Variants in ZNF385B observed in about 807,000 individuals in gnomAD.
The protein encoded by ZNF385B is zinc finger protein 533.
A neutral mutation model predicts 39.2 loss-of-function variants in ZNF385B; 23 were observed. That is an observed-to-expected ratio of 0.59 (90% CI 0.42 to 0.83). The LOEUF is 0.83. Ranked by LOEUF, ZNF385B falls within the 40% of genes least tolerant of loss-of-function variation. ZNF385B has a pLI of 0.00. For missense variants in ZNF385B, 552 were observed against 598.9 expected, an observed-to-expected ratio of 0.92 and a Z score of 0.82; for synonymous variants, 205 against 222.6, an observed-to-expected ratio of 0.92 and a Z score of 0.70.
At chr2:179,707,011 G>A (rs1699651251) in intron 3 of ZNF385B, among the ~76,000 whole-genome samples, 1 of 152,136 alleles carries the variant, frequency 6.6e-6, no homozygotes, top group Non-Finnish European at 1.5e-5. Context: ...CCCATGATGT[G>A]CTATCAGTGG....
intron 1 of ZNF385B, among the ~76,000 whole-genome samples, chr2:179,828,976 G>C (rs1249093481): frequency 1.3e-5 from 2 of 151,828 alleles, no homozygotes; most frequent in Non-Finnish European, 2.9e-5. Context: ...AAGGAAGCCA[G>C]GTTCATTTTA....
intron 6 of ZNF385B, among the ~76,000 whole-genome samples, chr2:179,467,662 G>C (rs752224607): frequency 4.6e-5 from 7 of 152,014 alleles, no homozygotes; most frequent in East Asian, 1.9e-4. Context: ...CTTCAAGCAT[G>C]GTTCATGACT....
intron 4 of ZNF385B, among the ~76,000 whole-genome samples, chr2:179,529,675 T>C (rs1467556451): frequency 2.0e-5 from 3 of 152,360 alleles, no homozygotes; most frequent in East Asian, 3.9e-4. Context: ...ACTAAAATGA[T>C]GATAAGTGCT....
chr2:179,685,819 C>T (rs183479169), intron 3 of ZNF385B, among the ~76,000 whole-genome samples: 202 of 152,306 alleles, frequency 1.3e-3, no homozygotes, highest in African/African-American at 4.5e-3. Flanking sequence ...CCATATTTAG[C>T]AAAGATAGGT....
At chr2:179,492,759 T>G (rs1427196707) in intron 5 of ZNF385B, among the ~76,000 whole-genome samples, 1 of 152,116 alleles carries the variant, frequency 6.6e-6, no homozygotes, top group Non-Finnish European at 1.5e-5. Flanking sequence ...CTAGAAGATA[T>G]CTTATAATTC....
intron 3 of ZNF385B, among the ~76,000 whole-genome samples, chr2:179,568,470 C>T (rs1574840167): frequency 1.3e-5 from 2 of 152,186 alleles, no homozygotes. Flanking sequence ...AATGAATGAC[C>T]ATACTTTTCC....
intron 3 of ZNF385B, among the ~76,000 whole-genome samples, chr2:179,606,004 G>A (rs1202412260): frequency 1.3e-5 from 2 of 152,140 alleles, no homozygotes; most frequent in Non-Finnish European, 2.9e-5. Context: ...ATGTTTGGAA[G>A]ATAAGGATCC....
At chr2:179,701,576 T>G (rs1265152005) in intron 3 of ZNF385B, among the ~76,000 whole-genome samples, 1 of 152,256 alleles carries the variant, frequency 6.6e-6, no homozygotes, top group Non-Finnish European at 1.5e-5. Flanking sequence ...GATCACACTC[T>G]TAAGCATCAG....
intron 1 of ZNF385B, among the ~76,000 whole-genome samples, chr2:179,792,877 G>A (rs1292164118): frequency 2.0e-5 from 3 of 152,172 alleles, no homozygotes; most frequent in African/African-American, 7.2e-5. Flanking sequence ...AGATTTTTGA[G>A]CTCTGTTTGC....
At chr2:179,588,330 C>T (rs942237223) in intron 3 of ZNF385B, among the ~76,000 whole-genome samples, 6 of 152,086 alleles carry the variant, frequency 3.9e-5, no homozygotes, top group African/African-American at 1.2e-4. Context: ...CCTCGTGATC[C>T]GCCCGCCTCG....
chr2:179,720,437 G>A (rs1235682334), intron 3 of ZNF385B, among the ~76,000 whole-genome samples: 1 of 127,580 alleles, frequency 7.8e-6, no homozygotes, highest in Non-Finnish European at 1.7e-5. Context: ...GGAAAGGAGA[G>A]CAGGGGAGAG....
At chr2:179,614,248 T>C (rs1426818567) in intron 3 of ZNF385B, among the ~76,000 whole-genome samples, 1 of 152,074 alleles carries the variant, frequency 6.6e-6, no homozygotes, top group African/African-American at 2.4e-5. Flanking sequence ...CAATTTGGTG[T>C]TCCTGTGGGG....
At chr2:179,752,059 A>G (rs1225621734) in intron 3 of ZNF385B, among the ~76,000 whole-genome samples, 2 of 152,072 alleles carry the variant, frequency 1.3e-5, no homozygotes, top group Non-Finnish European at 2.9e-5. Context: ...TACATTAGGT[A>G]TATCTCCTAA....
At chr2:179,598,772 C>T (rs1200289801) in intron 3 of ZNF385B, among the ~76,000 whole-genome samples, 1 of 152,052 alleles carries the variant, frequency 6.6e-6, no homozygotes, top group East Asian at 1.9e-4. Context: ...ATTGTGACAT[C>T]TTATACCTGG....
intron 3 of ZNF385B, among the ~76,000 whole-genome samples, chr2:179,693,167 C>T (rs10199992): frequency 0.46 from 70,598 of 152,060 alleles, 16,765 homozygotes; most frequent in East Asian, 0.56. Context: ...ATTTATTAGC[C>T]TATCCCAGGA....
At chr2:179,596,528 C>T (rs1688012494) in intron 3 of ZNF385B, among the ~76,000 whole-genome samples, 1 of 152,162 alleles carries the variant, frequency 6.6e-6, no homozygotes, top group African/African-American at 2.4e-5. Context: ...GAGACTTCCT[C>T]TATCGTTGGC....
intron 3 of ZNF385B, among the ~76,000 whole-genome samples, chr2:179,768,177 T>C (rs1411665227): frequency 6.6e-6 from 1 of 151,762 alleles, no homozygotes; most frequent in East Asian, 1.9e-4. Context: ...CTTGAACTCC[T>C]GACCTCAAGC....
At chr2:179,524,122 A>G (rs1574601223) in intron 4 of ZNF385B, among the ~76,000 whole-genome samples, 1 of 152,246 alleles carries the variant, frequency 6.6e-6, no homozygotes, top group Middle Eastern at 3.4e-3. Context: ...AGATGGGGAA[A>G]TCTTACCTTA....
intron 3 of ZNF385B, among the ~76,000 whole-genome samples, chr2:179,769,173 GA>G (rs1305782370): frequency 6.6e-6 from 1 of 152,082 alleles, no homozygotes; most frequent in Non-Finnish European, 1.5e-5. Context: ...TTAAGAGAGG[GA>G]AAAAATGACA....
Sources: allele counts gnomAD v4.1 joint callset (sites outside exome capture counted in the v4.1 genomes callset), GRCh38; gene constraint gnomAD v4.1.1; transcripts MANE v1.5; gene names NCBI Gene and HGNC (gene_info 2026-07-23, HGNC 2026-07-21).